Variants in SULT1E1 observed in about 807,000 individuals in gnomAD.
The protein encoded by SULT1E1 is sulfotransferase 1E1.
A neutral mutation model predicts 33.6 loss-of-function variants in SULT1E1; 36 were observed. That is an observed-to-expected ratio of 1.07 (90% confidence interval 0.82 to 1.41). The LOEUF (loss-of-function observed/expected upper bound fraction) is 1.41, where lower values mean the gene tolerates loss of function less well. Ranked by LOEUF, SULT1E1 falls within the 40% of genes most tolerant of loss-of-function variation. The pLI, the probability that SULT1E1 is intolerant of heterozygous loss-of-function variation, is 0.00. For missense variants in SULT1E1, 371 were observed against 345.7 expected, an observed-to-expected ratio of 1.07 and a Z score of -0.58; for synonymous variants, 121 against 111.7, an observed-to-expected ratio of 1.08 and a Z score of -0.53.
chr4:69,822,037 C>T, the SULT1E1 span, among the ~76,000 whole-genome samples: 3 of 152,148 alleles, frequency 2.0e-5, no homozygotes, highest in African/African-American at 7.2e-5. Context: ...AAGAATGGTC[C>T]TTCTATGCTC....
intron 7 of SULT1E1, among the ~76,000 whole-genome samples, chr4:69,843,398 G>A (rs1004194207): frequency 6.6e-6 from 1 of 152,172 alleles, no homozygotes; most frequent in African/African-American, 2.4e-5. Flanking sequence ...TTTGAGAACT[G>A]AATCTCTTTT....
intron 2 of SULT1E1, among the ~76,000 whole-genome samples, chr4:69,856,727 G>C (rs535860326): frequency 2.8e-4 from 43 of 152,148 alleles, no homozygotes; most frequent in African/African-American, 9.6e-4. Flanking sequence ...GAGGTCAGGA[G>C]ATCGAGACCA....
At position 69,849,580 on chromosome 4, in the gene SULT1E1, G is replaced by T. The variant is rs753348733; in HGVS notation, c.370-17C>A. 6.4e-7 allele frequency: 1 copy of T among 1,572,390 alleles called. No individual in the cohort carries two copies. Among genetic ancestry groups the T allele is most frequent in the Non-Finnish European group, 8.6e-7 (1 of 1,162,826 alleles). On this transcript the variant is annotated splice_polypyrimidine_tract_variant and intron_variant, in intron 4 of 7. Coordinates refer to ENST00000226444, the MANE Select transcript of SULT1E1 (RefSeq NM_005420.3). ...ATAGATTATCTAAGAGGATGAAATT[G>T]TATATTAAACCACTTAACATTTTTT...
At chr4:69,832,949 T>C in the SULT1E1 span, among the ~76,000 whole-genome samples, 4 of 152,202 alleles carry the variant, frequency 2.6e-5, no homozygotes, top group Non-Finnish European at 1.5e-5. Flanking sequence ...TGGGAAAGTC[T>C]TCAGGGCACA....
At chr4:69,827,413 G>A in the SULT1E1 span, among the ~76,000 whole-genome samples, 2 of 152,054 alleles carry the variant, frequency 1.3e-5, no homozygotes, top group African/African-American at 2.4e-5. Flanking sequence ...GCAAACATCT[G>A]TTGACCCGTG....
At chr4:69,853,482 A>G (rs1451893325) in intron 4 of SULT1E1, among the ~76,000 whole-genome samples, 1 of 152,152 alleles carries the variant, frequency 6.6e-6, no homozygotes, top group East Asian at 1.9e-4. Context: ...AACTGATTTT[A>G]GATGCCCCCT....
the SULT1E1 span, among the ~76,000 whole-genome samples, chr4:69,827,022 G>A: frequency 9.2e-5 from 14 of 152,110 alleles, no homozygotes; most frequent in South Asian, 2.1e-4. Flanking sequence ...CGGTTATGTC[G>A]CCTTCAAGCT....
chr4:69,827,004 C>T, the SULT1E1 span, among the ~76,000 whole-genome samples: 1 of 151,876 alleles, frequency 6.6e-6, no homozygotes. Flanking sequence ...CAAAAATCCC[C>T]CAGCTATCGG....
At chr4:69,851,105 A>C (rs1038788730) in intron 4 of SULT1E1, among the ~76,000 whole-genome samples, 1 of 152,152 alleles carries the variant, frequency 6.6e-6, no homozygotes, top group African/African-American at 2.4e-5. Context: ...AAGTCCTTGC[A>C]AAGCCAAAAT....
intron 7 of SULT1E1, among the ~76,000 whole-genome samples, chr4:69,842,337 T>C (rs1309820784): frequency 6.6e-6 from 1 of 152,250 alleles, no homozygotes; most frequent in African/African-American, 2.4e-5. Flanking sequence ...TTTCTTCTTA[T>C]GCCATTTACT....
intron 7 of SULT1E1, 46 bp from the exon 8 acceptor site, chr4:69,842,152 G>GA (rs1560553365): frequency 9.1e-7 from 1 of 1,100,404 alleles, no homozygotes; most frequent in East Asian, 2.4e-5. Context: ...CTTCCAAAAA[G>GA]AATCATTAGG....
At chr4:69,855,905 T>G (rs1012605242) in intron 2 of SULT1E1, among the ~76,000 whole-genome samples, 1 of 152,178 alleles carries the variant, frequency 6.6e-6, no homozygotes, top group African/African-American at 2.4e-5. Context: ...CTACAATAAA[T>G]TTTGTTTTTA....
chr4:69,836,174 G>A, the SULT1E1 span, among the ~76,000 whole-genome samples: 18,535 of 151,966 alleles, frequency 0.12, 1,254 homozygotes, highest in Middle Eastern at 0.18. Context: ...GCCTTAAAAC[G>A]AAAGAAAATA....
chr4:69,838,145 G>A (rs1416534762), downstream of SULT1E1, among the ~76,000 whole-genome samples: 1 of 152,046 alleles, frequency 6.6e-6, no homozygotes, highest in Non-Finnish European at 1.5e-5. Flanking sequence ...GCTGATTTTA[G>A]CAATGTAGGT....
chr4:69,844,017 TAA>T, intron 7 of SULT1E1, 142 bp downstream of exon 7: 1 of 706,600 alleles, frequency 1.4e-6, no homozygotes, highest in East Asian at 2.5e-5. Flanking sequence ...AAGTGTAACT[TAA>T]AGAGTGTATT....
chr4:69,844,460 A>C, intron 6 of SULT1E1, 119 bp from the exon 7 acceptor site: 12 of 749,580 alleles, frequency 1.6e-5, no homozygotes, highest in Non-Finnish European at 2.2e-5. Flanking sequence ...TTAGATTTCT[A>C]ATGAGAAATC....
intron 3 of SULT1E1, 104 bp from the exon 4 acceptor site, chr4:69,854,418 T>A (rs1721194616): frequency 2.8e-6 from 2 of 710,502 alleles, no homozygotes; most frequent in Non-Finnish European, 4.4e-6. Flanking sequence ...AGATTCTATA[T>A]TGTAATTAGA....
chr4:69,847,885 T>C (rs1217492405), intron 5 of SULT1E1, 93 bp from the exon 6 acceptor site: 2 of 667,288 alleles, frequency 3.0e-6, no homozygotes, highest in Admixed American at 2.7e-5. Context: ...CAAATAAATA[T>C]AAATAGATAA....
At chr4:69,845,496 T>C (rs1720955253) in intron 6 of SULT1E1, among the ~76,000 whole-genome samples, 1 of 151,384 alleles carries the variant, frequency 6.6e-6, no homozygotes, top group African/African-American at 2.4e-5. Flanking sequence ...AGATTATATG[T>C]ATATATGGGT....
Sources: gnomAD v4.1 joint callset for allele counts (sites outside exome capture counted in the v4.1 genomes callset) on GRCh38, gnomAD v4.1.1 for gene constraint, MANE v1.5 for transcripts, NCBI Gene and HGNC (gene_info 2026-07-23, HGNC 2026-07-21) for gene names.